Variants in DCHS2 observed in about 807,000 individuals in gnomAD.
The protein encoded by DCHS2 is dachsous cadherin-related 2.
DCHS2 carries 142 observed loss-of-function variants against 182.4 expected under a neutral mutation model. That is an observed-to-expected ratio of 0.78 (90% CI 0.68 to 0.89). The LOEUF is 0.89. Among genes scored for constraint, DCHS2 ranks in the 40% least tolerant of loss-of-function variants. The probability of loss-of-function intolerance (pLI) is 0.00; values close to 1 mark genes in which losing one functional copy is unlikely to be tolerated. For missense variants in DCHS2, 4,319 were observed against 4,198.6 expected (o/e 1.03, Z -0.79); for synonymous variants, 1,740 against 1,663.3 (o/e 1.05, Z -1.12).
chr4:154,472,715 C>T (rs538272344), intron 1 of DCHS2, among the ~76,000 whole-genome samples: 1 of 152,092 alleles, frequency 6.6e-6, no homozygotes, highest in African/African-American at 2.4e-5. Flanking sequence ...TATGAAAACC[C>T]ATATTAAATA....
At chr4:154,384,334 CCCT>C (rs756795284) in intron 1 of DCHS2, 4 of 1,599,550 alleles carry the variant, frequency 2.5e-6, no homozygotes, top group Non-Finnish European at 3.4e-6. Flanking sequence ...CATGTTATGG[CCCT>C]CCTCCTCATG....
chr4:154,394,786 T>A (rs1731862191), intron 1 of DCHS2, among the ~76,000 whole-genome samples: 1 of 152,200 alleles, frequency 6.6e-6, no homozygotes, highest in Admixed American at 6.5e-5. Context: ...TTACCTGGCA[T>A]CCATATTTTA....
At chr4:154,343,368 C>T in intron 3 of DCHS2, 1 of 1,143,058 alleles carries the variant, frequency 8.7e-7, no homozygotes. Context: ...TGAAGCCAGG[C>T]ATTGACTTCT....
chr4:154,474,791 G>A (rs1327060585), intron 1 of DCHS2, among the ~76,000 whole-genome samples: 1 of 152,096 alleles, frequency 6.6e-6, no homozygotes, highest in Non-Finnish European at 1.5e-5. Flanking sequence ...TTCCATGCAG[G>A]GTGTTGTGAA....
rs1217390549 is a variant in DCHS2 at position 154,233,607 on chromosome 4, T to G, written c.*929A>C. ...AACTGACATTGAGTGGATAAATTATTTCACACAAAAAAGTTACTGTATCTA... is the reference window on the plus strand; with the variant it reads ...AACTGACATTGAGTGGATAAATTATGTCACACAAAAAAGTTACTGTATCTA... On this transcript the variant is annotated 3_prime_UTR_variant, in exon 20 of 20. Coordinates refer to ENST00000357232, the MANE Select transcript of DCHS2 (RefSeq NM_001358235.2). 4 of 152,284 alleles carry G rather than the reference T, an allele frequency of 2.6e-5. No individual in the cohort carries two copies. The highest frequency in any genetic ancestry group is 9.6e-5 in the African/African-American group (4 of 41,568). The allele number at this position is 152,284 out of a possible 1,614,324, so 9.4% of individuals were successfully genotyped here.
At chr4:154,251,437 A>C (rs1560984601) in intron 16 of DCHS2, among the ~76,000 whole-genome samples, 1 of 152,246 alleles carries the variant, frequency 6.6e-6, no homozygotes, top group East Asian at 1.9e-4. Flanking sequence ...ATTAGATAAT[A>C]AATGTGAAGC....
chr4:154,278,740 G>T (rs903091345), intron 13 of DCHS2, among the ~76,000 whole-genome samples: 2 of 151,998 alleles, frequency 1.3e-5, no homozygotes, highest in Non-Finnish European at 2.9e-5. Flanking sequence ...TACTCAAAGG[G>T]CTGAAAGTAA....
At chr4:154,344,259 T>C (rs1003234657) in intron 3 of DCHS2, among the ~76,000 whole-genome samples, 8 of 152,210 alleles carry the variant, frequency 5.3e-5, no homozygotes, top group Admixed American at 2.0e-4. Flanking sequence ...AAATGTGACA[T>C]AGAGACACAA....
chr4:154,461,399 A>G (rs569778952), intron 1 of DCHS2, among the ~76,000 whole-genome samples: 6 of 152,314 alleles, frequency 3.9e-5, no homozygotes, highest in South Asian at 2.1e-4. Flanking sequence ...AAAAACAAAT[A>G]ACTCTACTTT....
At chr4:154,432,023 G>T (rs1187420085) in intron 1 of DCHS2, among the ~76,000 whole-genome samples, 1 of 152,146 alleles carries the variant, frequency 6.6e-6, no homozygotes, top group Non-Finnish European at 1.5e-5. Flanking sequence ...ATGCATCAAG[G>T]TATAAACCAC....
At chr4:154,475,968 A>G (rs1005095469) in intron 1 of DCHS2, among the ~76,000 whole-genome samples, 2 of 152,190 alleles carry the variant, frequency 1.3e-5, no homozygotes, top group African/African-American at 4.8e-5. Context: ...GCACATAACT[A>G]TTAATAAATC....
chr4:154,299,467 G>A (rs1735114638), intron 12 of DCHS2, among the ~76,000 whole-genome samples: 1 of 152,134 alleles, frequency 6.6e-6, no homozygotes. Context: ...GAAAAATGTG[G>A]TTCATATGCT....
At chr4:154,243,672 A>G (rs1578847183) in intron 16 of DCHS2, among the ~76,000 whole-genome samples, 1 of 152,172 alleles carries the variant, frequency 6.6e-6, no homozygotes, top group Admixed American at 6.5e-5. Flanking sequence ...GGCAAACTGG[A>G]CATGGGACTT....
intron 1 of DCHS2, among the ~76,000 whole-genome samples, chr4:154,381,067 G>A (rs934157676): frequency 3.3e-5 from 5 of 151,954 alleles, no homozygotes; most frequent in South Asian, 2.1e-4. Flanking sequence ...CTCCATTATC[G>A]CAATCTTATG....
intron 1 of DCHS2, among the ~76,000 whole-genome samples, chr4:154,398,968 C>A (rs1024939841): frequency 6.6e-6 from 1 of 152,182 alleles, no homozygotes; most frequent in Non-Finnish European, 1.5e-5. Flanking sequence ...CCATCACCCC[C>A]GCCTTCTCAC....
chr4:154,285,028 G>A lies in DCHS2; in HGVS notation c.6463+12823C>T, dbSNP rs577608915. On this transcript the variant is annotated intron_variant, in intron 13 of 19. Transcript: ENST00000357232. Reference sequence around the variant, plus strand: ...AAAGAAGACTTTGTCTTGCAACTTGGATACCAGCTCAGCCACAGTATGATA... The same window carrying A: ...AAAGAAGACTTTGTCTTGCAACTTGAATACCAGCTCAGCCACAGTATGATA... Among the ~76,000 whole-genome samples, 9 of 152,086 alleles carry A rather than the reference G, an allele frequency of 5.9e-5. No homozygotes were observed. In the East Asian group the frequency reaches 1.7e-3, roughly 29 times the overall value.
chr4:154,409,588 A>T (rs1732538595), intron 1 of DCHS2, among the ~76,000 whole-genome samples: 1 of 152,086 alleles, frequency 6.6e-6, no homozygotes, highest in Non-Finnish European at 1.5e-5. Flanking sequence ...ATCTTCATCC[A>T]AACATGCCTT....
intron 1 of DCHS2, among the ~76,000 whole-genome samples, chr4:154,456,253 A>G (rs947140979): frequency 2.0e-5 from 3 of 152,284 alleles, no homozygotes; most frequent in South Asian, 4.1e-4. Flanking sequence ...TTAATTTGCT[A>G]TCTCTCAGGG....
intron 3 of DCHS2, among the ~76,000 whole-genome samples, chr4:154,354,320 C>G (rs1025980036): frequency 6.6e-6 from 1 of 152,116 alleles, no homozygotes; most frequent in Non-Finnish European, 1.5e-5. Context: ...AGTATTTTCC[C>G]CTGTCCTCTC....
Sources: gnomAD v4.1 joint callset for allele counts (sites outside exome capture counted in the v4.1 genomes callset) on GRCh38, gnomAD v4.1.1 for gene constraint, MANE v1.5 for transcripts, NCBI Gene and HGNC (gene_info 2026-07-23, HGNC 2026-07-21) for gene names.